PHEX: variants seen among roughly 807,000 people sequenced by gnomAD.
The protein encoded by PHEX is phosphate-regulating neutral endopeptidase PHEX.
Under a neutral mutation model 68.0 loss-of-function variants are expected in PHEX, and 16 were observed. That is an observed-to-expected ratio of 0.24 (90% CI 0.16 to 0.36). PHEX has a LOEUF of 0.36. Among genes scored for constraint, PHEX ranks in the 10% least tolerant of loss-of-function variants. PHEX has a pLI of 1.00. For missense variants in PHEX, 480 were observed against 575.5 expected (o/e 0.83, Z 1.70); for synonymous variants, 208 against 205.1 (o/e 1.01, Z -0.12).
At chrX:22,107,076 C>T (rs916386227) in intron 9 of PHEX, among the ~76,000 whole-genome samples, 2 of 111,908 alleles carry the variant, frequency 1.8e-5, no homozygotes, top group Non-Finnish European at 1.9e-5. Flanking sequence ...AATATGTGAT[C>T]GTGAGTTTAC....
chrX:22,188,297 G>A (rs1191132079), intron 14 of PHEX, among the ~76,000 whole-genome samples: 1 of 110,695 alleles, frequency 9.0e-6, no homozygotes, highest in East Asian at 2.8e-4. Context: ...GGAACTTCTG[G>A]GCTCAGGCAG....
intron 9 of PHEX, 51 bp downstream of exon 9, chrX:22,099,202 T>C: frequency 2.8e-6 from 3 of 1,053,726 alleles, no homozygotes; most frequent in Non-Finnish European, 4.0e-6. Flanking sequence ...TTCTTTAAAT[T>C]ATAAGGGCTT....
At chrX:22,223,188 T>TTTA (rs1298433784) in intron 18 of PHEX, among the ~76,000 whole-genome samples, 6 of 112,309 alleles carry the variant, frequency 5.3e-5, no homozygotes, top group Middle Eastern at 4.6e-3. Context: ...AGGGCCATGC[T>TTTA]TTATTATTTT....
intron 2 of PHEX, among the ~76,000 whole-genome samples, chrX:22,039,468 C>G (rs1927175696): frequency 8.9e-6 from 1 of 112,023 alleles, no homozygotes; most frequent in Non-Finnish European, 1.9e-5. Context: ...AATATCCCAT[C>G]CCGAGATGGG....
At chrX:22,043,931 C>A (rs1245693768) in intron 2 of PHEX, among the ~76,000 whole-genome samples, 1 of 111,308 alleles carries the variant, frequency 9.0e-6, no homozygotes, top group Non-Finnish European at 1.9e-5. Context: ...CAACTATGGT[C>A]CCTTGCAATT....
intron 12 of PHEX, among the ~76,000 whole-genome samples, chrX:22,152,489 T>C (rs182701456): frequency 9.0e-6 from 1 of 111,702 alleles, no homozygotes; most frequent in Non-Finnish European, 1.9e-5. Context: ...TGTTGTTTTT[T>C]CTCTTACATC....
chrX:22,076,553 TGAG>T, intron 4 of PHEX, 79 bp downstream of exon 4: 1 of 659,639 alleles, frequency 1.5e-6, no homozygotes, highest in Non-Finnish European at 2.5e-6. Flanking sequence ...ATATATTGTT[TGAG>T]GAAGAAGAGA....
intron 3 of PHEX, among the ~76,000 whole-genome samples, chrX:22,065,912 C>T (rs755140061): frequency 2.7e-5 from 3 of 111,726 alleles, no homozygotes; most frequent in Non-Finnish European, 3.8e-5. Flanking sequence ...ATAATTTGTT[C>T]GCCACAGATT....
At chrX:22,188,960 C>T (rs921626162) in intron 14 of PHEX, among the ~76,000 whole-genome samples, 3 of 112,150 alleles carry the variant, frequency 2.7e-5, no homozygotes, top group Non-Finnish European at 5.6e-5. Flanking sequence ...TCTATCTCCA[C>T]GAGTTCAATC....
At chrX:22,236,783 A>C (rs1330902508) in intron 20 of PHEX, among the ~76,000 whole-genome samples, 2 of 89,153 alleles carry the variant, frequency 2.2e-5, no homozygotes, top group African/African-American at 9.6e-5. Context: ...TAGAGGACAA[A>C]GTATAGTGAT....
intron 12 of PHEX, among the ~76,000 whole-genome samples, chrX:22,136,035 A>G (rs1334809678): frequency 9.6e-5 from 8 of 83,099 alleles, no homozygotes. Context: ...CAGAAGATGT[A>G]AATTTTTTTT....
chrX:22,057,724 C>T (rs796483802), intron 3 of PHEX, among the ~76,000 whole-genome samples: 2 of 111,936 alleles, frequency 1.8e-5, no homozygotes, highest in African/African-American at 3.3e-5. Flanking sequence ...CACCCATCCC[C>T]GCTCCTGTAG....
intron 14 of PHEX, among the ~76,000 whole-genome samples, chrX:22,187,010 C>T (rs1411918618): frequency 8.9e-6 from 1 of 112,207 alleles, no homozygotes; most frequent in African/African-American, 3.2e-5. Flanking sequence ...CCTGGATTTT[C>T]CCCTCTTGAC....
At chrX:22,056,784 T>C (rs1414486183) in intron 3 of PHEX, among the ~76,000 whole-genome samples, 1 of 104,743 alleles carries the variant, frequency 9.5e-6, no homozygotes, top group Non-Finnish European at 1.9e-5. Context: ...ATAATAATAA[T>C]AATAATAATA....
rs563405158 is a variant in PHEX, at chrX:22,066,476, C to T, written c.350-9912C>T. 5.3e-4 allele frequency among the ~76,000 whole-genome samples: 59 copies of T among 112,099 alleles called. No homozygotes were observed. The South Asian group carries it at 0.022, about 42-fold the overall frequency. Reference sequence around the variant, plus strand: ...CTTAGGAAGGTATTTTGTCAAGCACCCCCACTCATGGGGCAAAATCTGCCA... The same window carrying T: ...CTTAGGAAGGTATTTTGTCAAGCACTCCCACTCATGGGGCAAAATCTGCCA... On this transcript the variant is annotated intron_variant, in intron 3 of 21. Coordinates refer to ENST00000379374, the MANE Select transcript of PHEX (RefSeq NM_000444.6).
intron 7 of PHEX, among the ~76,000 whole-genome samples, chrX:22,095,485 G>C (rs756344745): frequency 1.8e-5 from 2 of 112,491 alleles, no homozygotes; most frequent in Non-Finnish European, 3.8e-5. Context: ...TGTGTGGAGG[G>C]GAGTGGCTGG....
At chrX:22,175,063 A>G (rs760853824) in intron 13 of PHEX, among the ~76,000 whole-genome samples, 1 of 111,559 alleles carries the variant, frequency 9.0e-6, no homozygotes, top group Non-Finnish European at 1.9e-5. Context: ...CCTACCCCCA[A>G]ACACTTAACC....
At chrX:22,043,759 A>G (rs113905590) in intron 2 of PHEX, among the ~76,000 whole-genome samples, 2,951 of 111,991 alleles carry the variant, frequency 0.026, 96 homozygotes, top group African/African-American at 0.09. Context: ...ACAAACAGCA[A>G]CTGGTGACTG....
intron 12 of PHEX, among the ~76,000 whole-genome samples, chrX:22,143,567 A>G (rs1280788182): frequency 8.9e-6 from 1 of 112,144 alleles, no homozygotes. Flanking sequence ...GTCACTCTCC[A>G]TTCCCCACTC....
Sources: gnomAD v4.1 joint callset for allele counts (sites outside exome capture counted in the v4.1 genomes callset) on GRCh38, gnomAD v4.1.1 for gene constraint, MANE v1.5 for transcripts, NCBI Gene and HGNC (gene_info 2026-07-23, HGNC 2026-07-21) for gene names.